MYO18A: variants seen among roughly 807,000 people sequenced by gnomAD.
MYO18A encodes the protein unconventional myosin-XVIIIa.
MYO18A carries 78 observed loss-of-function variants against 235.8 expected under a neutral mutation model. The ratio of observed to expected loss-of-function variants is 0.33; its 90% confidence interval spans 0.28 to 0.40. The LOEUF (loss-of-function observed/expected upper bound fraction) is 0.40, where lower values mean the gene tolerates loss of function less well. Ranked by LOEUF, MYO18A falls within the 10% of genes least tolerant of loss-of-function variation. The probability of loss-of-function intolerance (pLI) is 1.00; values close to 1 mark genes in which losing one functional copy is unlikely to be tolerated. For synonymous variants in MYO18A, 977 were observed against 1,077.8 expected, an observed-to-expected ratio of 0.91 and a Z score of 1.83; for missense variants, 2,215 against 2,699.3, an observed-to-expected ratio of 0.82 and a Z score of 3.98.
At chr17:29,098,572 C>A in intron 23 of MYO18A, 127 bp from the exon 24 acceptor site, 2 of 1,174,134 alleles carry the variant, frequency 1.7e-6, no homozygotes, top group Middle Eastern at 2.7e-4. Context: ...AAGGCATGTC[C>A]CCAATAGCAG....
intron 1 of MYO18A, among the ~76,000 whole-genome samples, chr17:29,173,149 C>A (rs537855740): frequency 2.4e-4 from 36 of 150,950 alleles, no homozygotes; most frequent in African/African-American, 8.8e-4. Context: ...GGCTGGAGTG[C>A]AATGGCCCGA....
At chr17:29,124,741 C>G in intron 2 of MYO18A, 15 of 1,242,336 alleles carry the variant, frequency 1.2e-5, no homozygotes, top group Non-Finnish European at 1.6e-5. Context: ...GATAAGCAGA[C>G]CACTGGCACG....
chr17:29,148,585 TG>T (rs1461467381), intron 2 of MYO18A, among the ~76,000 whole-genome samples: 1 of 30,970 alleles, frequency 3.2e-5, no homozygotes, highest in Non-Finnish European at 6.3e-5. Flanking sequence ...TATTCTTTTG[TG>T]TGTGTGTGTG....
Position 29,098,863 on chromosome 17 carries a change from T to A in MYO18A, c.3743A>T (p.Glu1248Val). The A allele has an allele frequency of 6.2e-7, 1 of 1,613,950 alleles. No homozygotes were observed. Among genetic ancestry groups the A allele is most frequent in the Non-Finnish European group, 8.5e-7 (1 of 1,179,866 alleles). Residue 1248 changes from glutamate to valine, a missense_variant, in exon 23 of 42, where the codon GAA (glutamate) becomes GTA (valine). Physicochemically the swap from Glu to Val is moderately radical, Grantham distance 121. Transcript: ENST00000527372. ...GATCTGCTCCTCTGACAGCTGTACTTCGATGAGGGGCCTCACTGTGGTAAA... is the reference window on the plus strand; with the variant it reads ...GATCTGCTCCTCTGACAGCTGTACTACGATGAGGGGCCTCACTGTGGTAAA... The part of the protein sequence containing the change: ...KLFTTVRPLI[E>V]VQLSEEQIRN...
chr17:29,156,142 T>C (rs3936474), intron 2 of MYO18A, among the ~76,000 whole-genome samples: 1 of 152,096 alleles, frequency 6.6e-6, no homozygotes, highest in African/African-American at 2.4e-5. Context: ...ATCCTTGCTG[T>C]GAAAATTCCC....
chr17:29,134,171 G>A (rs532631054), intron 2 of MYO18A, among the ~76,000 whole-genome samples: 5 of 152,164 alleles, frequency 3.3e-5, no homozygotes, highest in African/African-American at 9.6e-5. Context: ...GTGCCATCTC[G>A]GCTCACTGCA....
In MYO18A at chr17:29,074,691, G is replaced by A; in HGVS notation, c.*79C>T. 6.6e-7 allele frequency: 1 copy of A among 1,506,852 alleles called. No homozygotes were observed. The highest frequency in any genetic ancestry group is 1.2e-5 in the South Asian group (1 of 86,226). 93.3% of individuals were successfully genotyped at this position (1,506,852 alleles called of 1,614,324 possible). ...ATCAGCAGTCGGGTGGGGGAGACCG[G>A]TGCCCCACCACTTCCTGGGAGAGGT... On this transcript the variant is annotated 3_prime_UTR_variant, in exon 42 of 42. Transcript: ENST00000527372. The surrounding 1 kb of genome is among the most constrained non-coding windows in gnomAD (Gnocchi z 4.4).
Position 29,110,594 on chromosome 17 carries a change from G to A in MYO18A, c.2929C>T (p.Arg977Cys), listed in dbSNP as rs756622321. The change falls in exon 18 of 42, where the codon CGC becomes TGC. Residue 977 changes from arginine (R) to cysteine (C), a missense_variant. By Grantham distance (180) the Arg-to-Cys change is radical. Coordinates refer to ENST00000527372, the MANE Select transcript of MYO18A (RefSeq NM_078471.4). ...GAGAGCACCGTGGCACTGCCTGCGC[G>A]GCCCAGAAACAGGTTGCTGATGATT... is the stretch of plus-strand genomic sequence containing the variant. ...KKIISNLFLGRAGSATVLSGS... is the reference protein window; with the variant it reads ...KKIISNLFLGCAGSATVLSGS... The A allele has an allele frequency of 5.6e-6, 9 of 1,608,804 alleles. No homozygotes were observed. The highest frequency in any genetic ancestry group is 5.0e-5 in the Admixed American group (3 of 59,626).
In MYO18A at chr17:29,074,751, T is replaced by C. The variant is rs772202626; in HGVS notation, c.*19A>G. ...GCCACAGGCCCTGGGGTGAGAGGGC[T>C]GCCAACCACTCCCCTGGGCTATGCG... is the stretch of plus-strand genomic sequence containing the variant. On this transcript the variant is annotated 3_prime_UTR_variant, in exon 42 of 42. Coordinates refer to ENST00000527372, the MANE Select transcript of MYO18A (RefSeq NM_078471.4). This position sits in a 1 kb window ranked among gnomAD's most constrained non-coding sequence, Gnocchi z 4.4. 3 of 1,613,472 alleles carry C rather than the reference T, an allele frequency of 1.9e-6. No homozygotes were observed. The highest frequency in any genetic ancestry group is 3.3e-5 in the Admixed American group (2 of 60,012).
chr17:29,096,685 C>T, intron 28 of MYO18A, 76 bp downstream of exon 28: 1 of 1,436,440 alleles, frequency 7.0e-7, no homozygotes, highest in Non-Finnish European at 9.2e-7. Flanking sequence ...TCTTTCCTCC[C>T]TGGAGGGCGA....
At chr17:29,075,319 T>C (rs540312267) in intron 41 of MYO18A, 3 of 187,148 alleles carry the variant, frequency 1.6e-5, no homozygotes, top group African/African-American at 7.0e-5. Context: ...GGAGGTCTGG[T>C]GAGTACAACT....
intron 2 of MYO18A, among the ~76,000 whole-genome samples, chr17:29,161,406 G>C (rs8081238): frequency 0.067 from 10,002 of 149,322 alleles, 471 homozygotes; most frequent in South Asian, 0.16. Flanking sequence ...GTGTGCCTGT[G>C]GTCCCAGCTT....
At chr17:29,157,591 C>A (rs1440346509) in intron 2 of MYO18A, among the ~76,000 whole-genome samples, 1 of 152,214 alleles carries the variant, frequency 6.6e-6, no homozygotes, top group East Asian at 1.9e-4. Context: ...CTAACTTTAA[C>A]CTCTCAGTAA....
chr17:29,122,026 G>A (rs1353584067), intron 3 of MYO18A, 69 bp from the exon 4 acceptor site: 5 of 1,552,806 alleles, frequency 3.2e-6, no homozygotes, highest in East Asian at 2.2e-5. Flanking sequence ...GGAACTTCTC[G>A]GTCCTATCCT....
chr17:29,129,334 CCCTAG>C (rs2067404298), intron 2 of MYO18A, among the ~76,000 whole-genome samples: 2 of 152,148 alleles, frequency 1.3e-5, no homozygotes, highest in Non-Finnish European at 2.9e-5. Context: ...TTTGGAGACC[CCCTAG>C]TTCCCAGAGT....
At chr17:29,141,765 G>A (rs951441655) in intron 2 of MYO18A, among the ~76,000 whole-genome samples, 1 of 152,228 alleles carries the variant, frequency 6.6e-6, no homozygotes, top group East Asian at 1.9e-4. Context: ...TCTGAAGCAC[G>A]TGCAGTGTCA....
chr17:29,115,558 G>T, intron 12 of MYO18A, 106 bp downstream of exon 12: 1 of 1,476,044 alleles, frequency 6.8e-7, no homozygotes, highest in South Asian at 1.3e-5. Flanking sequence ...CTCTGCCACT[G>T]ACAGAGCATC....
chr17:29,128,474 G>A, intron 2 of MYO18A: 6 of 1,288,862 alleles, frequency 4.7e-6, no homozygotes, highest in Non-Finnish European at 6.1e-6. Flanking sequence ...GGAAGTCTCT[G>A]GGGGTATCGG....
Position 29,073,925 on chromosome 17 carries a change from C to T in MYO18A, c.*845G>A, listed in dbSNP as rs746011998. 1 of 1,613,942 alleles carries T rather than the reference C, an allele frequency of 6.2e-7. No homozygotes were observed. Among genetic ancestry groups the T allele is most frequent in the Non-Finnish European group, 8.5e-7 (1 of 1,179,882 alleles). Reference sequence around the variant, plus strand: ...TGGACAGAGCAGGAGGGAGGCAGTGCTTGGATCAGCCCTGAACTGCTGTAG... The same window carrying T: ...TGGACAGAGCAGGAGGGAGGCAGTGTTTGGATCAGCCCTGAACTGCTGTAG... On this transcript the variant is annotated 3_prime_UTR_variant, in exon 42 of 42. Transcript: ENST00000527372.
Sources: allele counts gnomAD v4.1 joint callset (sites outside exome capture counted in the v4.1 genomes callset), GRCh38; gene constraint gnomAD v4.1.1; non-coding constraint Gnocchi (gnomAD v3.1); transcripts MANE v1.5; gene names NCBI Gene and HGNC (gene_info 2026-07-23, HGNC 2026-07-21).